AKAP13: variants seen among roughly 807,000 people sequenced by gnomAD.
AKAP13 encodes A-kinase anchoring protein 13.
A neutral mutation model predicts 264.5 loss-of-function variants in AKAP13; 80 were observed. The observed-to-expected ratio is 0.30, with a 90% confidence interval of 0.25 to 0.36. AKAP13 has a LOEUF of 0.36. AKAP13 is among the 10% of genes least tolerant of loss of function. The pLI, the probability that AKAP13 is intolerant of heterozygous loss-of-function variation, is 1.00. For synonymous variants in AKAP13, 1,380 were observed against 1,250.2 expected, an observed-to-expected ratio of 1.10 and a Z score of -2.19; for missense variants, 3,712 against 3,435.2, an observed-to-expected ratio of 1.08 and a Z score of -2.01.
chr15:85,688,802 T>C lies in AKAP13; in HGVS notation c.5289+3929T>C, dbSNP rs373779286. On this transcript the variant is annotated intron_variant, in intron 16 of 36. Transcript: ENST00000394518. ...CATAAGTGATTAGATTAGATAAATA[T>C]ATTGAATGTGTTTGTGGAAGATGAG... Among the ~76,000 whole-genome samples the C allele has an allele frequency of 2.0e-4, 31 of 152,322 alleles. No homozygotes were observed. The East Asian group carries it at 5.0e-3, about 25-fold the overall frequency.
intron 10 of AKAP13, among the ~76,000 whole-genome samples, chr15:85,652,970 T>C (rs1408678477): frequency 6.6e-6 from 1 of 152,130 alleles, no homozygotes; most frequent in African/African-American, 2.4e-5. Flanking sequence ...TCTTTCCAAA[T>C]AAGCTCACAT....
intron 1 of AKAP13, among the ~76,000 whole-genome samples, chr15:85,450,556 T>C (rs1413882001): frequency 6.6e-6 from 1 of 152,216 alleles, no homozygotes; most frequent in East Asian, 1.9e-4. Context: ...TTATGTTGTA[T>C]CTTTGTTCTC....
intron 29 of AKAP13, among the ~76,000 whole-genome samples, chr15:85,728,648 G>GA (rs1453430106): frequency 5.3e-5 from 8 of 152,160 alleles, no homozygotes; most frequent in Admixed American, 5.2e-4. Context: ...GTCTCACAGA[G>GA]AAGCTGGTGC....
At chr15:85,440,809 G>C (rs2073610457) in intron 1 of AKAP13, among the ~76,000 whole-genome samples, 1 of 152,096 alleles carries the variant, frequency 6.6e-6, no homozygotes, top group Non-Finnish European at 1.5e-5. Flanking sequence ...CCTCTACCAA[G>C]GTAATGATGA....
intron 8 of AKAP13, among the ~76,000 whole-genome samples, chr15:85,589,594 A>G (rs10152160): frequency 0.37 from 39,040 of 105,496 alleles, 5,347 homozygotes; most frequent in South Asian, 0.43. Context: ...TGTCTCCACT[A>G]AAAAAAAAAA....
chr15:85,723,397 C>A, intron 26 of AKAP13, 77 bp downstream of exon 26: 1 of 1,561,390 alleles, frequency 6.4e-7, no homozygotes, highest in South Asian at 1.2e-5. Flanking sequence ...GTTGGAAATT[C>A]ACTACCAGAT....
At chr15:85,659,382 A>G (rs577801525) in intron 12 of AKAP13, among the ~76,000 whole-genome samples, 2 of 152,286 alleles carry the variant, frequency 1.3e-5, no homozygotes, top group South Asian at 4.1e-4. Context: ...CTATTAGCTG[A>G]ACCTGTTTGT....
In AKAP13 at chr15:85,727,121, A is replaced by C. The variant is rs375901819; in HGVS notation, c.6878A>C (p.His2293Pro). 7.4e-6 allele frequency: 12 copies of C among 1,614,106 alleles called. No homozygotes were observed. The highest frequency in any genetic ancestry group is 8.5e-7 in the Non-Finnish European group (1 of 1,180,034). The change falls in exon 28 of 37, where the codon CAT (histidine) becomes CCT (proline). Residue 2293 changes from histidine (H) to proline (P), a missense_variant. Around this residue, in one of 3 missense-constraint regions of AKAP13, gnomAD observed 342 missense variants for 484.3 expected, o/e 0.71. Transcript: ENST00000394518. The surrounding 1 kb of genome is among the most constrained non-coding windows in gnomAD (Gnocchi z 5.3). Reference sequence around the variant, plus strand: ...AAGCTGATTGTGAGAGAAGTGGCACATGAGGAGAAAGGTTTATTCCTGATC... The same window carrying C: ...AAGCTGATTGTGAGAGAAGTGGCACCTGAGGAGAAAGGTTTATTCCTGATC... ...LKKLIVREVA[H>P]EEKGLFLISM...
chr15:85,396,404 A>G (rs926700248), intron 1 of AKAP13, among the ~76,000 whole-genome samples: 1 of 152,214 alleles, frequency 6.6e-6, no homozygotes, highest in East Asian at 1.9e-4. Context: ...TTATGATTGT[A>G]AAACATGTTC....
intron 2 of AKAP13, among the ~76,000 whole-genome samples, chr15:85,505,252 AT>A (rs1320989342): frequency 6.6e-6 from 1 of 152,202 alleles, no homozygotes; most frequent in Non-Finnish European, 1.5e-5. Context: ...ACTTGAGTAG[AT>A]TTATTGAGCG....
intron 4 of AKAP13, among the ~76,000 whole-genome samples, chr15:85,538,704 T>A (rs1251886752): frequency 3.3e-5 from 5 of 151,450 alleles, no homozygotes; most frequent in Admixed American, 2.6e-4. Flanking sequence ...TTAGCCAGGA[T>A]GGTCTCGATC....
chr15:85,530,203 TTCTC>T (rs778558375), intron 3 of AKAP13, among the ~76,000 whole-genome samples: 4 of 152,164 alleles, frequency 2.6e-5, no homozygotes, highest in Non-Finnish European at 5.9e-5. Flanking sequence ...GTTGTTCTGT[TTCTC>T]TCCCTGTCGT....
intron 12 of AKAP13, among the ~76,000 whole-genome samples, chr15:85,659,292 G>A (rs1043980741): frequency 1.3e-5 from 2 of 152,124 alleles, no homozygotes; most frequent in African/African-American, 4.8e-5. Flanking sequence ...CCATTGTTTA[G>A]AAAAATATTT....
chr15:85,702,265 AC>A (rs2085967189), intron 17 of AKAP13: 1 of 152,242 alleles, frequency 6.6e-6, no homozygotes, highest in Non-Finnish European at 1.5e-5. Context: ...ACACACACAC[AC>A]ACACAAAAGG....
In AKAP13 at chr15:85,581,252, C is replaced by G. The variant is rs4843074; in HGVS notation, c.3184C>G (p.Pro1062Ala). The G allele has an allele frequency of 0.63, 1,017,951 of 1,613,726 alleles. 322,650 individuals are homozygous for G. The highest frequency in any genetic ancestry group is 0.69 in the Middle Eastern group (4,183 of 6,062). The part of the protein sequence containing the change: ...DGSDALNCSQ[P>A]SPLDVGVKNT... The stretch of plus-strand genomic sequence containing the variant: ...GTCCGATGCTCTTAACTGCAGTCAG[C>G]CTTCTCCTCTGGATGTTGGAGTGAA... The change falls in exon 7 of 37, where the codon CCT becomes GCT. Residue 1062 changes from proline (P) to alanine (A), a missense_variant. By Grantham distance (27) the Pro-to-Ala change is conservative (BLOSUM62 -1). Coordinates refer to ENST00000394518, the MANE Select transcript of AKAP13 (RefSeq NM_007200.5).
At chr15:85,633,535 C>CTTTTT (rs56687591) in intron 8 of AKAP13, among the ~76,000 whole-genome samples, 6 of 97,738 alleles carry the variant, frequency 6.1e-5, no homozygotes, top group Non-Finnish European at 8.6e-5. Context: ...CTTTTTTTTT[C>CTTTTT]TTTTTTTTTT....
Position 85,580,412 on chromosome 15 carries a change from G to C in AKAP13, c.2344G>C (p.Asp782His). 6.2e-7 allele frequency: 1 copy of C among 1,614,208 alleles called. No individual in the cohort carries two copies. Among genetic ancestry groups the C allele is most frequent in the African/African-American group, 1.3e-5 (1 of 75,058 alleles). The change falls in exon 7 of 37, where the codon GAC (aspartate) becomes CAC (histidine). Residue 782 changes from aspartate to histidine, a missense_variant. Coordinates refer to ENST00000394518, the MANE Select transcript of AKAP13 (RefSeq NM_007200.5). The stretch of plus-strand genomic sequence containing the variant: ...GGTGCCAGACCAGGCAGTAATATCA[G>C]ACAGTACTTTCTCTCTGGCAAACAG... ...ELVPDQAVISDSTFSLANSPG... is the reference protein window; with the variant it reads ...ELVPDQAVISHSTFSLANSPG...
At chr15:85,382,587 A>T (rs2070341067) in intron 1 of AKAP13, among the ~76,000 whole-genome samples, 1 of 152,222 alleles carries the variant, frequency 6.6e-6, no homozygotes, top group Admixed American at 6.5e-5. Flanking sequence ...TGACGAGTGC[A>T]CTAGTTGCTT....
chr15:85,572,382 T>G (rs1202863414), intron 5 of AKAP13, among the ~76,000 whole-genome samples: 1 of 152,232 alleles, frequency 6.6e-6, no homozygotes, highest in Non-Finnish European at 1.5e-5. Context: ...AGAGAAGTTG[T>G]CTCCCCGCTA....
Sources: gnomAD v4.1 joint callset for allele counts (sites outside exome capture counted in the v4.1 genomes callset) on GRCh38, gnomAD v4.1.1 for gene constraint, gnomAD v4.1.1 regional missense constraint, Gnocchi (gnomAD v3.1) non-coding constraint, MANE v1.5 for transcripts, NCBI Gene and HGNC (gene_info 2026-07-23, HGNC 2026-07-21) for gene names.